The following TPX2 variants were observed in gnomAD, a reference collection of about 807,000 sequenced individuals.
TPX2 encodes targeting protein for Xklp2.
Under a neutral mutation model 93.6 loss-of-function variants are expected in TPX2, and 21 were observed. The observed-to-expected ratio is 0.22, with a 90% CI of 0.16 to 0.32. The LOEUF (loss-of-function observed/expected upper bound fraction) is 0.32, where lower values mean the gene tolerates loss of function less well. TPX2 is among the 10% of genes least tolerant of loss of function. TPX2 has a pLI of 1.00. For missense variants in TPX2, 776 were observed against 871.1 expected, an observed-to-expected ratio of 0.89 and a Z score of 1.37; for synonymous variants, 281 against 298.3, an observed-to-expected ratio of 0.94 and a Z score of 0.60.
rs138134249 is a variant in TPX2 at position 31,775,321 on chromosome 20, AT to A, written c.609-542del. On this transcript the variant is annotated intron_variant, in intron 7 of 17. Transcript: ENST00000300403. ...TAATATATTTTAATCTATTTTAGTT[AT>A]TTTCTTCTGAAATTTTTTCAGTATT... 4.8e-3 allele frequency among the ~76,000 whole-genome samples: 726 copies of A among 151,562 alleles called. 5 individuals are homozygous for A. The highest frequency in any genetic ancestry group is 0.017 in the African/African-American group (689 of 41,326).
chr20:31,777,768 A>G, intron 9 of TPX2, 130 bp downstream of exon 9: 1 of 986,790 alleles, frequency 1.0e-6, no homozygotes, highest in South Asian at 2.3e-5. Context: ...AGTTGTGTAA[A>G]ATATAACAGA....
At chr20:31,758,962 C>A (rs1390498490) in intron 3 of TPX2, among the ~76,000 whole-genome samples, 2 of 152,008 alleles carry the variant, frequency 1.3e-5, no homozygotes. Context: ...AAAAAAATGA[C>A]CCCACTATTT....
At chr20:31,741,560 C>T (rs946289701) in intron 1 of TPX2, among the ~76,000 whole-genome samples, 10 of 151,902 alleles carry the variant, frequency 6.6e-5, no homozygotes, top group African/African-American at 2.4e-4. Flanking sequence ...CTCACTGCAA[C>T]CTCCGCCTCC....
chr20:31,800,277 A>G (rs538891838), intron 17 of TPX2, among the ~76,000 whole-genome samples: 2 of 152,266 alleles, frequency 1.3e-5, no homozygotes, highest in East Asian at 1.9e-4. Flanking sequence ...CACTCATACA[A>G]TCAGCCTTTT....
At chr20:31,757,629 T>G in intron 3 of TPX2, 47 bp downstream of exon 3, 1 of 1,511,742 alleles carries the variant, frequency 6.6e-7, no homozygotes, top group Non-Finnish European at 9.2e-7. Context: ...GTGGCTTGCT[T>G]TGTGCTGAAG....
chr20:31,800,103 TGCTAGACTA>T lies in TPX2; in HGVS notation c.2134-864_2134-856del, dbSNP rs1413374923. 2.0e-5 allele frequency among the ~76,000 whole-genome samples: 3 copies of T among 152,056 alleles called. No individual in the cohort carries two copies. In the East Asian group the frequency reaches 5.8e-4, roughly 29 times the overall value. On this transcript the variant is annotated intron_variant, in intron 17 of 17. Transcript: ENST00000300403. ...CTCTATTTTAAATAAATAAATAAAA[TGCTAGACTA>T]GCAGTTGAAACAGCTATTGGCAGCT...
chr20:31,780,749 A>T (rs2062028116), intron 10 of TPX2, among the ~76,000 whole-genome samples: 2 of 152,208 alleles, frequency 1.3e-5, no homozygotes, highest in Non-Finnish European at 2.9e-5. Flanking sequence ...AGGTAAATTA[A>T]TATTTTCAAT....
At chr20:31,759,905 A>G in intron 3 of TPX2, 152 bp from the exon 4 acceptor site, 1 of 962,450 alleles carries the variant, frequency 1.0e-6, no homozygotes. Context: ...TGTAATGTGT[A>G]CTTTTTCTTT....
At chr20:31,744,517 T>A (rs1305841768) in intron 2 of TPX2, among the ~76,000 whole-genome samples, 1 of 152,016 alleles carries the variant, frequency 6.6e-6, no homozygotes, top group African/African-American at 2.4e-5. Flanking sequence ...TAATAAATTT[T>A]CTTCTCTTTT....
At position 31,801,000 on chromosome 20, in the gene TPX2, C is replaced by G. The variant is rs770451094; in HGVS notation, c.2164C>G (p.Gln722Glu). The change falls in exon 18 of 18, where the codon CAG becomes GAG. Residue 722 changes from glutamine (Q) to glutamate (E), a missense_variant. Around this residue, in one of 3 missense-constraint regions of TPX2, gnomAD observed 461 missense variants for 551.2 expected, o/e 0.84. Transcript: ENST00000300403. ...VHKANPIRKY[Q>E]GLEIKSSDQP... ...TAAGGCAAATCCAATACGCAAGTAC[C>G]AGGGTCTGGAGATAAAGTCAAGTGA... 21 of 1,614,074 alleles carry G rather than the reference C, an allele frequency of 1.3e-5. No individual in the cohort carries two copies. The highest frequency in any genetic ancestry group is 1.8e-5 in the Non-Finnish European group (21 of 1,180,030).
intron 15 of TPX2, among the ~76,000 whole-genome samples, chr20:31,796,791 T>G (rs1232253080): frequency 3.3e-5 from 5 of 151,834 alleles, no homozygotes; most frequent in Non-Finnish European, 7.4e-5. Context: ...GCAGAAAATG[T>G]CTAGTTGTTT....
At chr20:31,797,315 A>C in intron 15 of TPX2, 89 bp from the exon 16 acceptor site, 1 of 1,127,600 alleles carries the variant, frequency 8.9e-7, no homozygotes, top group Non-Finnish European at 1.3e-6. Flanking sequence ...TTATTGATGA[A>C]GCAGTTCAGA....
rs1287896750 is a variant in TPX2, at chr20:31,778,820, T to A, written c.890T>A (p.Val297Glu). ...LRKHPSSPAR[V>E]TKGCTIVKPF... The stretch of plus-strand genomic sequence containing the variant: ...CAACTTTTCTCTTTACAGGCCCGAG[T>A]GACTAAGGGATGTACCATTGTTAAG... Residue 297 changes from valine to glutamate, a missense_variant, in exon 10 of 18, where the codon GTG (valine) becomes GAG (glutamate). Physicochemically the swap from Val to Glu is moderately radical, Grantham distance 121. Coordinates refer to ENST00000300403, the MANE Select transcript of TPX2 (RefSeq NM_012112.5). 6.4e-7 allele frequency: 1 copy of A among 1,569,864 alleles called. No homozygotes were observed. Among genetic ancestry groups the A allele is most frequent in the Non-Finnish European group, 8.6e-7 (1 of 1,163,350 alleles).
At chr20:31,782,224 G>A (rs774594713) in intron 10 of TPX2, 25 bp from the exon 11 acceptor site, 1 of 1,590,640 alleles carries the variant, frequency 6.3e-7, no homozygotes, top group Non-Finnish European at 8.6e-7. Flanking sequence ...GGATCTAGAT[G>A]AACATCTGTC....
chr20:31,763,186 T>G (rs1047388385), intron 4 of TPX2, among the ~76,000 whole-genome samples: 1 of 151,906 alleles, frequency 6.6e-6, no homozygotes, highest in African/African-American at 2.4e-5. Flanking sequence ...GAATTTTAGG[T>G]TTTTTTTCTT....
At chr20:31,795,958 C>T (rs1024291240) in intron 15 of TPX2, among the ~76,000 whole-genome samples, 1 of 152,080 alleles carries the variant, frequency 6.6e-6, no homozygotes, top group East Asian at 1.9e-4. Context: ...TCCTGAAGCC[C>T]GAGAGTTGTA....
chr20:31,770,984 A>G (rs1182960556), intron 6 of TPX2, among the ~76,000 whole-genome samples: 1 of 150,646 alleles, frequency 6.6e-6, no homozygotes, highest in Non-Finnish European at 1.5e-5. Context: ...TCTCACTGGC[A>G]CAAGATGGCT....
intron 2 of TPX2, among the ~76,000 whole-genome samples, chr20:31,746,057 G>T (rs2061782166): frequency 6.6e-6 from 1 of 152,222 alleles, no homozygotes; most frequent in Non-Finnish European, 1.5e-5. Context: ...GGACAGTGAT[G>T]AATTAGAACA....
At chr20:31,798,945 A>T (rs1177905296) in intron 17 of TPX2, among the ~76,000 whole-genome samples, 1 of 152,178 alleles carries the variant, frequency 6.6e-6, no homozygotes, top group South Asian at 2.1e-4. Context: ...CTTTCCTAGG[A>T]CTGTTTTTTA....
Sources: allele counts gnomAD v4.1 joint callset (sites outside exome capture counted in the v4.1 genomes callset), GRCh38; gene constraint gnomAD v4.1.1; regional missense constraint gnomAD v4.1.1; transcripts MANE v1.5; gene names NCBI Gene and HGNC (gene_info 2026-07-23, HGNC 2026-07-21).